LY96: variants seen among roughly 807,000 people sequenced by gnomAD.
The protein encoded by LY96 is myeloid differentiation protein-2.
LY96 carries 18 observed loss-of-function variants against 18.9 expected under a neutral mutation model. The observed-to-expected ratio is 0.95, with a 90% CI of 0.66 to 1.41. The LOEUF is 1.41. LY96 is among the 40% of genes most tolerant of loss of function. The pLI, the probability that LY96 is intolerant of heterozygous loss-of-function variation, is 0.00. For missense variants in LY96, 175 were observed against 182.4 expected (o/e 0.96, Z 0.23); for synonymous variants, 66 against 62.6 (o/e 1.06, Z -0.26).
the LY96 span, among the ~76,000 whole-genome samples, chr8:74,061,493 G>C: frequency 1.3e-5 from 2 of 152,172 alleles, no homozygotes; most frequent in Non-Finnish European, 2.9e-5. Flanking sequence ...GAAGAAATAA[G>C]GAGATGGTTA....
chr8:74,081,991 A>G, the LY96 span, among the ~76,000 whole-genome samples: 95 of 152,312 alleles, frequency 6.2e-4, 1 homozygote, highest in Middle Eastern at 3.4e-3. Flanking sequence ...GATTGAGCAC[A>G]ATCTTAGAGC....
rs183250931 is a variant in LY96, at chr8:74,027,024, G to C, written c.384+183G>C. Among the ~76,000 whole-genome samples the C allele has an allele frequency of 2.3e-3, 338 of 148,072 alleles. 2 individuals are homozygous for C. Among genetic ancestry groups the C allele is most frequent in the African/African-American group, 7.6e-3 (307 of 40,142 alleles). ...TCTCTGCTCACTGCAACCTCCACCC[G>C]CCAACCCCCACCCCAAGCAATCCTC... On this transcript the variant is annotated intron_variant, in intron 4 of 4. Transcript: ENST00000284818.
the LY96 span, among the ~76,000 whole-genome samples, chr8:74,066,042 G>C: frequency 6.6e-6 from 1 of 152,032 alleles, no homozygotes; most frequent in African/African-American, 2.4e-5. Flanking sequence ...TCTTAGTCTG[G>C]GTTGCTATAA....
chr8:74,034,049 C>T (rs1462948768), downstream of LY96, among the ~76,000 whole-genome samples: 2 of 152,142 alleles, frequency 1.3e-5, no homozygotes, highest in African/African-American at 4.8e-5. Flanking sequence ...AAGCCTAAAA[C>T]TTATTTTGCA....
chr8:74,081,926 G>A, the LY96 span, among the ~76,000 whole-genome samples: 15 of 152,306 alleles, frequency 9.8e-5, no homozygotes, highest in Middle Eastern at 3.4e-3. Context: ...GTGAGCCACC[G>A]TGCCTAGCCC....
the LY96 span, among the ~76,000 whole-genome samples, chr8:74,070,249 G>A: frequency 1.3e-5 from 2 of 151,954 alleles, no homozygotes; most frequent in African/African-American, 2.4e-5. Context: ...CTGCAACCAC[G>A]CCCGGCTAAC....
intron 2 of LY96, among the ~76,000 whole-genome samples, chr8:74,006,163 A>C (rs1816405678): frequency 6.6e-6 from 1 of 152,124 alleles, no homozygotes; most frequent in Admixed American, 6.6e-5. Context: ...CATGCTAGGC[A>C]CTGTGAATTC....
intron 3 of LY96, among the ~76,000 whole-genome samples, chr8:74,011,472 G>A (rs925913583): frequency 3.9e-5 from 6 of 152,132 alleles, no homozygotes; most frequent in African/African-American, 7.2e-5. Context: ...GAAAAAATTC[G>A]CAAACTATTC....
chr8:73,991,589 C>G (rs375543944), intron 1 of LY96, 35 bp downstream of exon 1: 4 of 1,259,320 alleles, frequency 3.2e-6, no homozygotes, highest in African/African-American at 2.9e-5. Flanking sequence ...ATTGTAGCAT[C>G]AACTATTTTG....
the LY96 span, among the ~76,000 whole-genome samples, chr8:74,093,978 A>C: frequency 6.6e-6 from 1 of 152,188 alleles, no homozygotes; most frequent in Non-Finnish European, 1.5e-5. Context: ...GCTACTTCTT[A>C]GTCAAGCAAT....
the LY96 span, among the ~76,000 whole-genome samples, chr8:74,073,815 G>A: frequency 1.3e-5 from 2 of 149,302 alleles, no homozygotes; most frequent in Non-Finnish European, 3.0e-5. Flanking sequence ...ATGCCACCAC[G>A]CCTGGCTAAT....
At chr8:74,019,348 C>T (rs1343318397) in intron 3 of LY96, among the ~76,000 whole-genome samples, 1 of 152,186 alleles carries the variant, frequency 6.6e-6, no homozygotes, top group East Asian at 1.9e-4. Flanking sequence ...TGGACACATA[C>T]ACCCTCCCAA....
chr8:74,054,911 T>G, the LY96 span, among the ~76,000 whole-genome samples: 6,211 of 151,696 alleles, frequency 0.041, 133 homozygotes, highest in African/African-American at 0.056. Context: ...CCACTCTATT[T>G]ATAAAAAATT....
At chr8:74,061,810 C>A in the LY96 span, among the ~76,000 whole-genome samples, 1 of 152,150 alleles carries the variant, frequency 6.6e-6, no homozygotes, top group Non-Finnish European at 1.5e-5. Context: ...CACCAGCAAA[C>A]CACAAAAGCT....
intron 1 of LY96, among the ~76,000 whole-genome samples, chr8:74,002,093 T>TTCTTTCTTTCTTTCTCTCTCTC (rs1563710943): frequency 5.2e-5 from 2 of 38,726 alleles, no homozygotes; most frequent in African/African-American, 1.5e-4. Context: ...CTTTCTTTCT[T>TTCTTTCTTTCTTTCTCTCTCTC]TCTCTCTCTC....
chr8:74,009,374 C>CAAAA (rs370593442), intron 2 of LY96, among the ~76,000 whole-genome samples: 24 of 58,758 alleles, frequency 4.1e-4, no homozygotes, highest in Non-Finnish European at 5.1e-4. Flanking sequence ...CAGTCTTTCT[C>CAAAA]AAAAAAAAAA....
At chr8:73,995,052 C>T (rs75274643) in intron 1 of LY96, among the ~76,000 whole-genome samples, 1 of 152,110 alleles carries the variant, frequency 6.6e-6, no homozygotes, top group South Asian at 2.1e-4. Flanking sequence ...CATGAAGGCT[C>T]TTCTCTCATG....
chr8:74,008,670 G>C (rs1816466210), intron 2 of LY96, among the ~76,000 whole-genome samples: 1 of 152,204 alleles, frequency 6.6e-6, no homozygotes, highest in Admixed American at 6.5e-5. Context: ...TTTTAGATCT[G>C]TTGGGTGAGG....
chr8:74,048,263 ATT>A, the LY96 span, among the ~76,000 whole-genome samples: 12 of 142,364 alleles, frequency 8.4e-5, no homozygotes, highest in Admixed American at 7.1e-5. Flanking sequence ...GTTTAGTTCT[ATT>A]TTTTTTTTTT....
Sources: allele counts gnomAD v4.1 joint callset (sites outside exome capture counted in the v4.1 genomes callset), GRCh38; gene constraint gnomAD v4.1.1; transcripts MANE v1.5; gene names NCBI Gene and HGNC (gene_info 2026-07-23, HGNC 2026-07-21).